TAFA2: variants seen among roughly 807,000 people sequenced by gnomAD.
TAFA2 encodes the protein TAFA chemokine like family member 2, also known as chemokine-like protein TAFA-2.
Under a neutral mutation model 18.8 loss-of-function variants are expected in TAFA2, and 7 were observed. The ratio of observed to expected loss-of-function variants is 0.37; its 90% CI spans 0.21 to 0.70. TAFA2 has a LOEUF of 0.70. TAFA2 is among the 30% of genes least tolerant of loss of function. TAFA2 has a pLI of 0.53. For synonymous variants in TAFA2, 60 were observed against 54.2 expected (o/e 1.11, Z -0.47); for missense variants, 122 against 158.1 (o/e 0.77, Z 1.23).
At chr12:62,182,152 T>C (rs2062556956) in intron 1 of TAFA2, among the ~76,000 whole-genome samples, 1 of 152,178 alleles carries the variant, frequency 6.6e-6, no homozygotes, top group Admixed American at 6.5e-5. Context: ...TATATTGATA[T>C]ATAATATAAT....
intron 1 of TAFA2, chr12:61,877,964 C>A (rs1021537764): frequency 2.3e-6 from 1 of 432,270 alleles, no homozygotes; most frequent in Non-Finnish European, 4.6e-6. Flanking sequence ...TATATACACA[C>A]ACAGTGGAAT....
chr12:62,018,764 G>A (rs1312418462), intron 1 of TAFA2, among the ~76,000 whole-genome samples: 1 of 152,172 alleles, frequency 6.6e-6, no homozygotes. Flanking sequence ...ATGGGCATGG[G>A]CAAGGACTTC....
At position 62,066,716 on chromosome 12, in the gene TAFA2, TTGA is replaced by T. The variant is rs535868287; in HGVS notation, c.-2+124540_-2+124542del. 1.3e-3 allele frequency among the ~76,000 whole-genome samples: 197 copies of T among 152,212 alleles called. 1 individual carries two copies. Among genetic ancestry groups the T allele is most frequent in the African/African-American group, 4.6e-3 (190 of 41,576 alleles). On this transcript the variant is annotated intron_variant, in intron 1 of 4. Coordinates refer to ENST00000416284, the MANE Select transcript of TAFA2 (RefSeq NM_178539.5). ...CACATTTTCTTTATCCATTCATCTA[TTGA>T]TGAACACAGGTTGCTTTCAAATCAT... is the stretch of plus-strand genomic sequence containing the variant.
chr12:61,952,838 G>C (rs1046763830), intron 1 of TAFA2, among the ~76,000 whole-genome samples: 6 of 152,004 alleles, frequency 3.9e-5, no homozygotes, highest in African/African-American at 1.4e-4. Context: ...TTATATGTAT[G>C]ATTATATATA....
intron 2 of TAFA2, among the ~76,000 whole-genome samples, chr12:61,778,681 A>C (rs1870377582): frequency 6.6e-6 from 1 of 151,966 alleles, no homozygotes; most frequent in South Asian, 2.1e-4. Flanking sequence ...GAAACAGGCT[A>C]TGAAGTTATG....
intron 2 of TAFA2, among the ~76,000 whole-genome samples, chr12:61,836,236 T>A (rs1016728931): frequency 1.3e-5 from 2 of 151,910 alleles, no homozygotes. Flanking sequence ...GAATGTGAAA[T>A]GCTTGAGTAA....
chr12:61,764,517 C>T (rs987824374), intron 2 of TAFA2, among the ~76,000 whole-genome samples: 2 of 151,760 alleles, frequency 1.3e-5, no homozygotes, highest in Admixed American at 6.6e-5. Context: ...GTTGTTTGTC[C>T]CTGAAGAGTG....
At chr12:61,845,342 C>A (rs987192273) in intron 2 of TAFA2, among the ~76,000 whole-genome samples, 8 of 152,102 alleles carry the variant, frequency 5.3e-5, no homozygotes, top group Admixed American at 3.9e-4. Context: ...CAATCAGAGA[C>A]ACAGTCTCTA....
At chr12:62,257,938 C>T (rs1286230254) in intron 1 of TAFA2, among the ~76,000 whole-genome samples, 2 of 152,072 alleles carry the variant, frequency 1.3e-5, no homozygotes, top group African/African-American at 4.8e-5. Context: ...GCAGAATTTC[C>T]ATAAACTGAT....
chr12:61,976,607 T>C (rs1879444218), intron 1 of TAFA2, among the ~76,000 whole-genome samples: 1 of 151,996 alleles, frequency 6.6e-6, no homozygotes, highest in South Asian at 2.1e-4. Context: ...GTTACATATG[T>C]ATATATGTGC....
intron 2 of TAFA2, among the ~76,000 whole-genome samples, chr12:61,812,974 T>C (rs1871936190): frequency 6.6e-6 from 1 of 151,474 alleles, no homozygotes; most frequent in South Asian, 2.1e-4. Context: ...TCCCTAATTT[T>C]CCCTTGAAAA....
intron 2 of TAFA2, among the ~76,000 whole-genome samples, chr12:61,818,583 G>A (rs1249613982): frequency 2.0e-5 from 3 of 151,780 alleles, no homozygotes; most frequent in Non-Finnish European, 2.9e-5. Flanking sequence ...CTCCAATGGA[G>A]CACCACTCTG....
intron 1 of TAFA2, among the ~76,000 whole-genome samples, chr12:62,107,863 A>G (rs1869529714): frequency 6.6e-6 from 1 of 152,208 alleles, no homozygotes; most frequent in Non-Finnish European, 1.5e-5. Context: ...AAGAGGCCAT[A>G]AAAATTATCT....
At chr12:62,208,042 G>A (rs748570445) in intron 1 of TAFA2, among the ~76,000 whole-genome samples, 36 of 152,130 alleles carry the variant, frequency 2.4e-4, no homozygotes, top group Non-Finnish European at 4.7e-4. Context: ...TCATTCCCTG[G>A]CTGGATGCTT....
At chr12:61,819,921 T>A (rs1334218367) in intron 2 of TAFA2, among the ~76,000 whole-genome samples, 1 of 152,086 alleles carries the variant, frequency 6.6e-6, no homozygotes, top group Non-Finnish European at 1.5e-5. Flanking sequence ...CCAAAGTCAT[T>A]GTTATTTTTC....
intron 2 of TAFA2, among the ~76,000 whole-genome samples, chr12:61,853,460 A>G (rs1873761626): frequency 6.7e-6 from 1 of 150,126 alleles, no homozygotes; most frequent in South Asian, 2.1e-4. Flanking sequence ...TTGATGGCGG[A>G]TTAAAAAAAT....
At chr12:61,984,147 T>C (rs1398590411) in intron 1 of TAFA2, among the ~76,000 whole-genome samples, 1 of 152,226 alleles carries the variant, frequency 6.6e-6, no homozygotes, top group Non-Finnish European at 1.5e-5. Context: ...GTAGACACAC[T>C]AAAAGCAAGG....
At chr12:61,767,027 T>C (rs1869820440) in intron 2 of TAFA2, among the ~76,000 whole-genome samples, 1 of 152,112 alleles carries the variant, frequency 6.6e-6, no homozygotes, top group African/African-American at 2.4e-5. Flanking sequence ...CAATTTATCA[T>C]CTGTGGGATA....
chr12:62,104,426 A>G (rs913381286), intron 1 of TAFA2, among the ~76,000 whole-genome samples: 1 of 152,224 alleles, frequency 6.6e-6, no homozygotes, highest in Admixed American at 6.5e-5. Context: ...AGCTGGTCAA[A>G]GTGTTACTTT....
Sources: gnomAD v4.1 joint callset for allele counts (sites outside exome capture counted in the v4.1 genomes callset) on GRCh38, gnomAD v4.1.1 for gene constraint, MANE v1.5 for transcripts, NCBI Gene and HGNC (gene_info 2026-07-23, HGNC 2026-07-21) for gene names.